TMPRSS9: variants seen among roughly 807,000 people sequenced by gnomAD.
TMPRSS9 encodes transmembrane protease serine 9.
In TMPRSS9, 113 loss-of-function variants were observed where a neutral mutation model predicts 111.4. The ratio of observed to expected loss-of-function variants is 1.01; its 90% CI spans 0.87 to 1.19. The LOEUF (loss-of-function observed/expected upper bound fraction) is 1.19, where lower values mean the gene tolerates loss of function less well. TMPRSS9 is among the 50% of genes most tolerant of loss of function. TMPRSS9 has a pLI of 0.00. For synonymous variants in TMPRSS9, 805 were observed against 659.1 expected (o/e 1.22, Z -3.39); for missense variants, 1,803 against 1,513.1 (o/e 1.19, Z -3.18).
chr19:2,370,962 A>C (rs1373411565), intron 1 of TMPRSS9, among the ~76,000 whole-genome samples: 1 of 152,074 alleles, frequency 6.6e-6, no homozygotes, highest in Admixed American at 6.6e-5. Context: ...ACCCTATCTC[A>C]AAAAGAAAAA....
At chr19:2,413,670 C>T (rs763621141) in intron 9 of TMPRSS9, 30 bp from the exon 11 acceptor site, 2 of 1,577,488 alleles carry the variant, frequency 1.3e-6, no homozygotes, top group South Asian at 2.2e-5. Flanking sequence ...TGCTGCCGAC[C>T]CATCCTGAGG....
chr19:2,405,241 G>A, intron 6 of TMPRSS9, 133 bp from the exon 8 acceptor site: 1 of 1,180,324 alleles, frequency 8.5e-7, no homozygotes. Context: ...AGTCAGGGAA[G>A]CCAAGGAGGG....
At chr19:2,371,355 G>C (rs1051869891) in intron 1 of TMPRSS9, among the ~76,000 whole-genome samples, 3 of 152,164 alleles carry the variant, frequency 2.0e-5, no homozygotes, top group Non-Finnish European at 4.4e-5. Context: ...GAAGACGGAA[G>C]TCGGTAGGTT....
rs1971472145 is a variant in TMPRSS9 at position 2,421,947 on chromosome 19, A to C, written c.2248A>C (p.Lys750Gln). The C allele has an allele frequency of 6.8e-6, 11 of 1,613,030 alleles. No individual in the cohort carries two copies. Among genetic ancestry groups the C allele is most frequent in the African/African-American group, 1.3e-5 (1 of 74,926 alleles). ...CTGGGGTATTGGCTGCGCTCAGGTT[A>C]AGAAGCCGGGCGTGTACACGCGCAT... is the stretch of plus-strand genomic sequence containing the variant. Residue 750 changes from lysine (K) to glutamine (Q), a missense_variant, in exon 14 of 18, where the codon AAG becomes CAG. Transcript: ENST00000648592.
intron 1 of TMPRSS9, among the ~76,000 whole-genome samples, chr19:2,381,654 C>G (rs917369910): frequency 1.3e-5 from 2 of 151,940 alleles, no homozygotes; most frequent in Admixed American, 6.6e-5. Context: ...CCTGGTACAT[C>G]TCTCCTTTCT....
rs778172300 is a variant in TMPRSS9, at chr19:2,410,356, T to C, written c.1216T>C (p.Cys406Arg). The C allele has an allele frequency of 2.2e-5, 35 of 1,614,022 alleles. No individual in the cohort carries two copies. The Middle Eastern group carries it at 2.0e-3, about 91-fold the overall frequency. ...CCATTCACTCACTGACAGGATGGTG[T>C]GCGCTGGCTACCTGGACGGGAAGGT... Residue 406 changes from cysteine (C) to arginine (R), a missense_variant, in exon 9 of 18, where the codon TGC becomes CGC. Cys to Arg is a radical substitution (Grantham distance 180). Transcript: ENST00000648592.
At chr19:2,403,224 G>T in intron 6 of TMPRSS9, 29 bp downstream of exon 7, 1 of 1,552,218 alleles carries the variant, frequency 6.4e-7, no homozygotes, top group Non-Finnish European at 8.8e-7. Flanking sequence ...CCTGGTCTCT[G>T]GGCCCCTTCC....
At chr19:2,416,442 G>C in intron 11 of TMPRSS9, 96 bp from the exon 13 acceptor site, 1 of 1,477,340 alleles carries the variant, frequency 6.8e-7, no homozygotes, top group Non-Finnish European at 9.1e-7. Flanking sequence ...AGGCAGCCCT[G>C]TGTGGCTTCC....
chr19:2,368,933 C>T (rs576307233), intron 1 of TMPRSS9, among the ~76,000 whole-genome samples: 10 of 149,944 alleles, frequency 6.7e-5, no homozygotes, highest in East Asian at 5.9e-4. Flanking sequence ...TACAGGTGTA[C>T]GCCACCATGC....
chr19:2,414,875 C>T lies in TMPRSS9; in HGVS notation c.1574-795C>T, dbSNP rs1005532961. ...GGGCAACAAGAGCACAACTCCATCT[C>T]GAAAAAGAAAAAAGAAAACTTGTAG... On this transcript the variant is annotated intron_variant, in intron 10 of 17. Coordinates refer to ENST00000648592, the Ensembl canonical transcript of TMPRSS9. Among the ~76,000 whole-genome samples the T allele has an allele frequency of 1.0e-4, 12 of 119,554 alleles. 1 individual carries two copies. The East Asian group carries it at 4.2e-3, about 42-fold the overall frequency. The allele number at this position is 119,554 out of a possible 152,430, so 78.4% of individuals were successfully genotyped here.
chr19:2,394,557 G>C (rs1191650313), intron 1 of TMPRSS9, among the ~76,000 whole-genome samples: 1 of 151,162 alleles, frequency 6.6e-6, no homozygotes, highest in African/African-American at 2.4e-5. Context: ...TTGGGACACA[G>C]AGGCGGGGCA....
intron 1 of TMPRSS9, among the ~76,000 whole-genome samples, chr19:2,395,743 C>T (rs1349992138): frequency 6.6e-6 from 1 of 151,994 alleles, no homozygotes; most frequent in African/African-American, 2.4e-5. Context: ...TGTGGTGGCT[C>T]ACGCCTGTAA....
intron 2 of TMPRSS9, 85 bp downstream of exon 3, chr19:2,396,751 G>T: frequency 6.7e-7 from 1 of 1,496,116 alleles, no homozygotes; most frequent in Admixed American, 2.1e-5. Flanking sequence ...GTGTGGGAGG[G>T]AGGCAGGCCA....
At chr19:2,425,938 G>A in exon 18 of TMPRSS9, 2 of 1,596,662 alleles carry the variant, frequency 1.3e-6, no homozygotes, top group South Asian at 2.2e-5. Context: ...GTGACGCTGG[G>A]GGACCCCTGG....
Position 2,399,006 on chromosome 19 carries a change from C to T in TMPRSS9, c.339-12C>T, listed in dbSNP as rs372763126. On this transcript the variant is annotated splice_polypyrimidine_tract_variant and intron_variant, in intron 3 of 17. Transcript: ENST00000648592. ...CCCTCCCTCTCCAAGGGCCTCTCCT[C>T]CATACCTGTAGGGATGGGAACTCCA... 73 of 1,607,846 alleles carry T rather than the reference C, an allele frequency of 4.5e-5. No homozygotes were observed. The highest frequency in any genetic ancestry group is 5.9e-5 in the Non-Finnish European group (70 of 1,179,136).
intron 1 of TMPRSS9, among the ~76,000 whole-genome samples, chr19:2,365,619 AAC>A (rs764676420): frequency 1.4e-4 from 19 of 136,512 alleles, no homozygotes; most frequent in African/African-American, 5.6e-4. Flanking sequence ...CAAACAAACA[AAC>A]AAAAAAAACA....
At chr19:2,403,978 C>T (rs575359562) in intron 6 of TMPRSS9, among the ~76,000 whole-genome samples, 22 of 133,326 alleles carry the variant, frequency 1.7e-4, no homozygotes, top group African/African-American at 5.5e-4. Flanking sequence ...GGCAACAGAG[C>T]GAGACTCTGT....
At chr19:2,398,585 T>A (rs1185461518) in intron 2 of TMPRSS9, among the ~76,000 whole-genome samples, 1 of 152,046 alleles carries the variant, frequency 6.6e-6, no homozygotes, top group Non-Finnish European at 1.5e-5. Context: ...ACTACTGCAC[T>A]CCAGCCTGGG....
At position 2,413,814 on chromosome 19, in the gene TMPRSS9, C is replaced by T. The variant is rs1022529308; in HGVS notation, c.1369C>T (p.Arg457Ter). 3.5e-5 allele frequency: 56 copies of T among 1,613,640 alleles called. No homozygotes were observed. Among genetic ancestry groups the T allele is most frequent in the Non-Finnish European group, 4.3e-5 (51 of 1,180,010 alleles). Residue 457 changes from arginine (R) to a stop codon, truncating the protein, a stop_gained, in exon 10 of 18, where the codon CGA becomes TGA. Transcript: ENST00000648592. LOFTEE classifies it high-confidence loss of function. Reference sequence around the variant, plus strand: ...AGCCCGGCGTCCAGGGGTCTATGCCCGAGTCACCAGGCTACGTGACTGGAT... The same window carrying T: ...AGCCCGGCGTCCAGGGGTCTATGCCTGAGTCACCAGGCTACGTGACTGGAT...
Sources: allele counts gnomAD v4.1 joint callset (sites outside exome capture counted in the v4.1 genomes callset), GRCh38; gene constraint gnomAD v4.1.1; transcripts MANE v1.5; gene names NCBI Gene and HGNC (gene_info 2026-07-23, HGNC 2026-07-21).